TMEM132B: variants seen among roughly 807,000 people sequenced by gnomAD.
TMEM132B encodes transmembrane protein 132B.
Under a neutral mutation model 90.8 loss-of-function variants are expected in TMEM132B, and 18 were observed. The observed-to-expected ratio is 0.20, with a 90% CI of 0.14 to 0.29. The LOEUF is 0.29. Ranked by LOEUF, TMEM132B falls within the 10% of genes least tolerant of loss-of-function variation. TMEM132B has a pLI of 1.00. For missense variants in TMEM132B, 1,096 were observed against 1,326.8 expected (o/e 0.83, Z 2.70); for synonymous variants, 504 against 523.3 (o/e 0.96, Z 0.50).
intron 6 of TMEM132B, among the ~76,000 whole-genome samples, chr12:125,648,200 A>G (rs1886816694): frequency 6.6e-6 from 1 of 151,964 alleles, no homozygotes; most frequent in Non-Finnish European, 1.5e-5. Context: ...GATGGTTTCC[A>G]ATTTCATCCA....
At chr12:125,274,881 C>T (rs1874945896) in intron 1 of TMEM132B, among the ~76,000 whole-genome samples, 1 of 152,090 alleles carries the variant, frequency 6.6e-6, no homozygotes, top group Non-Finnish European at 1.5e-5. Flanking sequence ...TATGATGACG[C>T]TACTGCATTC....
At chr12:125,344,282 A>G (rs759105868) in intron 1 of TMEM132B, among the ~76,000 whole-genome samples, 2 of 152,226 alleles carry the variant, frequency 1.3e-5, no homozygotes, top group Non-Finnish European at 2.9e-5. Context: ...GGAATTTAAT[A>G]AAGGGAATTA....
At chr12:125,428,460 A>C (rs1359385225) in intron 3 of TMEM132B, among the ~76,000 whole-genome samples, 1 of 152,138 alleles carries the variant, frequency 6.6e-6, no homozygotes, top group East Asian at 1.9e-4. Flanking sequence ...TTATTATGAC[A>C]TTATATCATA....
In TMEM132B at chr12:125,654,204, G is replaced by A; in HGVS notation, c.2746G>A (p.Ala916Thr). The A allele has an allele frequency of 6.2e-7, 1 of 1,614,206 alleles. No homozygotes were observed. The highest frequency in any genetic ancestry group is 8.5e-7 in the Non-Finnish European group (1 of 1,180,038). ...MYALLCVFCL[A>T]ILVFLINCVA... Reference sequence around the variant, plus strand: ...TGCCTTGCTCTGCGTCTTCTGTCTGGCCATTCTGGTCTTCTTGATCAACTG... The same window carrying A: ...TGCCTTGCTCTGCGTCTTCTGTCTGACCATTCTGGTCTTCTTGATCAACTG... Residue 916 changes from alanine (A) to threonine (T), a missense_variant, in exon 9 of 9, where the codon GCC (alanine) becomes ACC (threonine). Coordinates refer to ENST00000682704, the MANE Select transcript of TMEM132B (RefSeq NM_001366854.1). The surrounding 1 kb of genome is among the most constrained non-coding windows in gnomAD (Gnocchi z 5.8).
At chr12:125,199,619 G>A (rs1230596681) in intron 1 of TMEM132B, among the ~76,000 whole-genome samples, 1 of 152,160 alleles carries the variant, frequency 6.6e-6, no homozygotes. Context: ...GGCTTAAAAA[G>A]CAGAAGTTTC....
rs956401315 is a variant in TMEM132B at position 125,650,871 on chromosome 12, T to C, written c.1832T>C (p.Met611Thr). 1 of 1,613,916 alleles carries C rather than the reference T, an allele frequency of 6.2e-7. No homozygotes were observed. Among genetic ancestry groups the C allele is most frequent in the African/African-American group, 1.3e-5 (1 of 74,894 alleles). The change falls in exon 7 of 9, where the codon ATG becomes ACG. Residue 611 changes from methionine (M) to threonine (T), a missense_variant. Physicochemically the swap from Met to Thr is moderately conservative, Grantham distance 81. Transcript: ENST00000682704. ...FDITDLVTEF[M>T]KVEEPKIAQL... ...ATCACTGACCTTGTGACCGAGTTCA[T>C]GAAGGTGGAGGAGCCGAAAATCGCT...
rs1565986009 is a variant in TMEM132B, at chr12:125,260,511, C to CT, written c.67+73645_67+73646insT. 1.6e-3 allele frequency among the ~76,000 whole-genome samples: 247 copies of CT among 149,818 alleles called. 2 individuals are homozygous for CT. The highest frequency in any genetic ancestry group is 5.4e-3 in the African/African-American group (219 of 40,690). ...GGACCATAGGTCTTGCTAAGGTTTA[C>CT]CTTTTTTTTTTTTTTTTCGTAGAAA... On this transcript the variant is annotated intron_variant, in intron 1 of 8. Transcript: ENST00000682704.
intron 3 of TMEM132B, among the ~76,000 whole-genome samples, chr12:125,475,332 C>T (rs986662694): frequency 2.6e-5 from 4 of 152,112 alleles, no homozygotes; most frequent in Non-Finnish European, 5.9e-5. Flanking sequence ...AGCTGCTGGC[C>T]TAAGGAGAGA....
chr12:125,188,874 G>GA (rs935854010), intron 1 of TMEM132B, among the ~76,000 whole-genome samples: 1 of 93,046 alleles, frequency 1.1e-5, no homozygotes, highest in South Asian at 3.5e-4. Flanking sequence ...AAAAAAAAAA[G>GA]AAAAAAAGAA....
At position 125,468,785 on chromosome 12, in the gene TMEM132B, A is replaced by C. The variant is rs551790391; in HGVS notation, c.1107-50654A>C. On this transcript the variant is annotated intron_variant, in intron 3 of 8. Coordinates refer to ENST00000682704, the MANE Select transcript of TMEM132B (RefSeq NM_001366854.1). ...ATTTATTTATTCAATGGTTTTAAAA[A>C]AAATTTTCTGCATACAATCCTCTAA... Among the ~76,000 whole-genome samples, 7 of 152,324 alleles carry C rather than the reference A, an allele frequency of 4.6e-5. No individual in the cohort carries two copies. The East Asian group carries it at 1.3e-3, about 29-fold the overall frequency.
chr12:125,230,152 A>G (rs1873784916), intron 1 of TMEM132B, among the ~76,000 whole-genome samples: 1 of 152,192 alleles, frequency 6.6e-6, no homozygotes, highest in Non-Finnish European at 1.5e-5. Context: ...AGTCTAAGGT[A>G]TTTTGGGAGG....
intron 1 of TMEM132B, among the ~76,000 whole-genome samples, chr12:125,197,709 A>G (rs1872956596): frequency 6.6e-6 from 1 of 152,202 alleles, no homozygotes; most frequent in African/African-American, 2.4e-5. Flanking sequence ...CAAGTAGGGA[A>G]TGCTCTGTGA....
At chr12:125,530,232 AG>A (rs1177438646) in intron 4 of TMEM132B, among the ~76,000 whole-genome samples, 1 of 139,478 alleles carries the variant, frequency 7.2e-6, no homozygotes, top group South Asian at 2.4e-4. Context: ...GTTATTCCAT[AG>A]TTTTTTTTTT....
At chr12:125,496,037 C>T (rs1882552753) in intron 3 of TMEM132B, among the ~76,000 whole-genome samples, 1 of 152,212 alleles carries the variant, frequency 6.6e-6, no homozygotes, top group Non-Finnish European at 1.5e-5. Context: ...TGTAACACAA[C>T]ACAATGTCAT....
intron 4 of TMEM132B, among the ~76,000 whole-genome samples, chr12:125,562,584 G>T (rs1011143409): frequency 1.3e-5 from 2 of 152,180 alleles, no homozygotes; most frequent in Admixed American, 1.3e-4. Flanking sequence ...AGAGGCCATT[G>T]TAGGTGATAT....
At position 125,492,610 on chromosome 12, in the gene TMEM132B, C is replaced by T. The variant is rs748278318; in HGVS notation, c.1107-26829C>T. Among the ~76,000 whole-genome samples the T allele has an allele frequency of 1.3e-5, 2 of 152,074 alleles. No homozygotes were observed. Among genetic ancestry groups the T allele is most frequent in the Non-Finnish European group, 2.9e-5 (2 of 68,000 alleles). ...CCAGGGGCCCTGGGTGAGGAGGCTA[C>T]GGCAGCCTCGGGTCCCAGCAGGGCA... On this transcript the variant is annotated intron_variant, in intron 3 of 8. Transcript: ENST00000682704. This position sits in a 1 kb window ranked among gnomAD's most constrained non-coding sequence, Gnocchi z 5.8.
At chr12:125,286,877 A>C (rs1475265085) in intron 1 of TMEM132B, among the ~76,000 whole-genome samples, 1 of 151,688 alleles carries the variant, frequency 6.6e-6, no homozygotes, top group Non-Finnish European at 1.5e-5. Flanking sequence ...CTGATTTTTT[A>C]CTTTTAGTAG....
At chr12:125,438,809 G>A (rs1880777782) in intron 3 of TMEM132B, among the ~76,000 whole-genome samples, 2 of 152,046 alleles carry the variant, frequency 1.3e-5, no homozygotes, top group South Asian at 4.1e-4. Flanking sequence ...TATATGAATG[G>A]CATTGTGCTA....
intron 3 of TMEM132B, among the ~76,000 whole-genome samples, chr12:125,455,330 C>T (rs1475867674): frequency 6.6e-6 from 1 of 152,140 alleles, no homozygotes; most frequent in Non-Finnish European, 1.5e-5. Flanking sequence ...GAACAAAGTG[C>T]TGATGAGGAT....
Sources: allele counts gnomAD v4.1 joint callset (sites outside exome capture counted in the v4.1 genomes callset), GRCh38; gene constraint gnomAD v4.1.1; non-coding constraint Gnocchi (gnomAD v3.1); transcripts MANE v1.5; gene names NCBI Gene and HGNC (gene_info 2026-07-23, HGNC 2026-07-21).